The following LRPPRC variants were observed in gnomAD, a reference collection of about 807,000 sequenced individuals.
The protein encoded by LRPPRC is leucine-rich PPR motif-containing protein, mitochondrial.
LRPPRC carries 120 observed loss-of-function variants against 180.3 expected under a neutral mutation model. The observed-to-expected ratio is 0.67, with a 90% CI of 0.57 to 0.77. The LOEUF (loss-of-function observed/expected upper bound fraction) is 0.77. Among genes scored for constraint, LRPPRC ranks in the 30% least tolerant of loss-of-function variants. The pLI is 0.00. For missense variants in LRPPRC, 2,012 were observed against 1,657.2 expected (o/e 1.21, Z -3.72); for synonymous variants, 723 against 600.0 (o/e 1.21, Z -3.00).
chr2:43,923,216 T>G (rs1468718089), intron 27 of LRPPRC, among the ~76,000 whole-genome samples: 9 of 148,326 alleles, frequency 6.1e-5, no homozygotes, highest in Non-Finnish European at 1.3e-4. Flanking sequence ...CAGTGGCTCA[T>G]GCCTGTAATC....
intron 1 of LRPPRC, among the ~76,000 whole-genome samples, chr2:43,986,343 T>G (rs1482737777): frequency 3.9e-5 from 6 of 152,144 alleles, no homozygotes; most frequent in Non-Finnish European, 8.8e-5. Flanking sequence ...TTGGCCAGGC[T>G]GGTCTCAAAC....
intron 14 of LRPPRC, among the ~76,000 whole-genome samples, chr2:43,956,001 T>C (rs1185332049): frequency 6.6e-6 from 1 of 151,346 alleles, no homozygotes; most frequent in Non-Finnish European, 1.5e-5. Context: ...GTTGATGTGA[T>C]ACAATGTAAG....
intron 25 of LRPPRC, among the ~76,000 whole-genome samples, chr2:43,931,938 CAA>C (rs1312092576): frequency 6.6e-6 from 1 of 151,684 alleles, no homozygotes; most frequent in East Asian, 1.9e-4. Context: ...TCATTCTAGT[CAA>C]AGAGATAGAC....
chr2:43,951,401 A>G (rs1672896546), intron 14 of LRPPRC, among the ~76,000 whole-genome samples: 2 of 152,210 alleles, frequency 1.3e-5, no homozygotes, highest in Admixed American at 1.3e-4. Context: ...GTTTGCAAGA[A>G]AGTGAGGGGC....
intron 27 of LRPPRC, among the ~76,000 whole-genome samples, chr2:43,918,791 AGATATATATATATATATAG>A (rs1671576601): frequency 3.8e-5 from 1 of 26,056 alleles, no homozygotes; most frequent in Non-Finnish European, 5.7e-5. Context: ...ATATATATAT[AGATATATATATATATATAG>A]ATATATATAT....
chr2:43,963,791 T>C lies in LRPPRC; in HGVS notation c.1370-85A>G, dbSNP rs927722986. 3.7e-6 allele frequency: 3 copies of C among 814,718 alleles called. No homozygotes were observed. In the African/African-American group the frequency reaches 5.0e-5, roughly 14 times the overall value. 50.5% of individuals were successfully genotyped at this position (814,718 alleles called of 1,614,324 possible). ...CGGTAAGTTCAGTTCAATTATTTTC[T>C]GAATCACAGTATAAGAAAATTACTC... On this transcript the variant is annotated intron_variant, in intron 11 of 37. Transcript: ENST00000260665.
At chr2:43,913,497 G>A (rs865780125) in intron 29 of LRPPRC, among the ~76,000 whole-genome samples, 12 of 152,180 alleles carry the variant, frequency 7.9e-5, no homozygotes, top group African/African-American at 2.9e-4. Flanking sequence ...AGAAGTTTCT[G>A]AACAGGCGAA....
At chr2:43,984,552 G>C (rs759338699) in intron 1 of LRPPRC, among the ~76,000 whole-genome samples, 5 of 152,070 alleles carry the variant, frequency 3.3e-5, no homozygotes, top group Non-Finnish European at 7.4e-5. Context: ...AAATAAATTG[G>C]GATAGAGGAA....
intron 14 of LRPPRC, among the ~76,000 whole-genome samples, chr2:43,952,481 T>C (rs984858509): frequency 1.3e-5 from 2 of 152,216 alleles, no homozygotes; most frequent in African/African-American, 4.8e-5. Flanking sequence ...AAACTACTTA[T>C]GCTAAAATTA....
intron 37 of LRPPRC, among the ~76,000 whole-genome samples, 186 bp downstream of exon 37, chr2:43,889,548 A>C (rs991656285): frequency 5.3e-5 from 8 of 152,052 alleles, no homozygotes; most frequent in Non-Finnish European, 1.2e-4. Flanking sequence ...GTGGCCCCAG[A>C]GAGCTATGTT....
intron 2 of LRPPRC, among the ~76,000 whole-genome samples, chr2:43,980,650 G>C (rs1214777521): frequency 6.6e-6 from 1 of 151,726 alleles, no homozygotes; most frequent in East Asian, 1.9e-4. Context: ...GAATAGAAAA[G>C]TTAGGTTCAT....
At position 43,945,344 on chromosome 2, in the gene LRPPRC, C is replaced by T; in HGVS notation, c.2284G>A (p.Gly762Ser). Residue 762 changes from glycine to serine, a missense_variant, in exon 22 of 38, where the codon GGC (glycine) becomes AGC (serine). Transcript: ENST00000260665. ...TGCTGAGGCTTACCTTGGAGCTTGCCATGCTTTGCCAATACTCTTACAAGG... is the reference window on the plus strand; with the variant it reads ...TGCTGAGGCTTACCTTGGAGCTTGCTATGCTTTGCCAATACTCTTACAAGG... The part of the protein sequence containing the change: ...VGLVRVLAKH[G>S]KLQDAINILK... 6.2e-7 allele frequency: 1 copy of T among 1,611,048 alleles called. No individual in the cohort carries two copies. Among genetic ancestry groups the T allele is most frequent in the East Asian group, 2.2e-5 (1 of 44,850 alleles).
At chr2:43,969,697 A>AT (rs1228582843) in intron 11 of LRPPRC, among the ~76,000 whole-genome samples, 3 of 151,954 alleles carry the variant, frequency 2.0e-5, no homozygotes, top group African/African-American at 7.3e-5. Context: ...TTTGTTTTTG[A>AT]TTTTTTTGTT....
intron 24 of LRPPRC, 29 bp downstream of exon 24, chr2:43,934,725 C>A (rs758257581): frequency 6.3e-7 from 1 of 1,591,658 alleles, no homozygotes; most frequent in Non-Finnish European, 8.6e-7. Flanking sequence ...GAAAAAAAAA[C>A]TACATTAAGA....
intron 12 of LRPPRC, among the ~76,000 whole-genome samples, chr2:43,961,519 T>C (rs1022743810): frequency 6.6e-6 from 1 of 152,222 alleles, no homozygotes; most frequent in South Asian, 2.1e-4. Flanking sequence ...AGAACATACA[T>C]GCTAAGCAAT....
intron 36 of LRPPRC, 72 bp from the exon 37 acceptor site, chr2:43,889,948 A>G (rs766502438): frequency 6.5e-5 from 72 of 1,113,008 alleles, no homozygotes; most frequent in Non-Finnish European, 8.9e-5. Flanking sequence ...CAAAACAGCC[A>G]CTCAGGGACG....
At chr2:43,942,807 T>A (rs1019517176) in intron 23 of LRPPRC, among the ~76,000 whole-genome samples, 5 of 152,140 alleles carry the variant, frequency 3.3e-5, no homozygotes, top group African/African-American at 1.2e-4. Flanking sequence ...GCTCTCCCTG[T>A]TAATTGAACT....
At position 43,918,815 on chromosome 2, in the gene LRPPRC, ATATATATC is replaced by A. The variant is rs1558938491; in HGVS notation, c.2897-425_2897-418del. Among the ~76,000 whole-genome samples the A allele has an allele frequency of 5.6e-4, 78 of 140,096 alleles. 2 individuals are homozygous for A. Among genetic ancestry groups the A allele is most frequent in the African/African-American group, 2.1e-3 (78 of 37,398 alleles). The allele number at this position is 140,096 out of a possible 152,430, so 91.9% of individuals were successfully genotyped here. A position where few individuals can be genotyped will look rare whatever the true frequency, so the allele number is the denominator to read the frequency against. ...TAGATATATATATATATATAGATAT[ATATATATC>A]TATATATAGATATCTCTATATATAG... On this transcript the variant is annotated intron_variant, in intron 27 of 37. Transcript: ENST00000260665.
rs1180459762 is a variant in LRPPRC at position 43,963,625 on chromosome 2, C to T, written c.1451G>A (p.Cys484Tyr). 6.2e-7 allele frequency: 1 copy of T among 1,611,794 alleles called. No individual in the cohort carries two copies. The highest frequency in any genetic ancestry group is 1.3e-5 in the African/African-American group (1 of 74,900). ...TCGTGCTGAGTTTACACTATCAAAGCATGGAATCACATAATCTGTATATGT... is the reference window on the plus strand; with the variant it reads ...TCGTGCTGAGTTTACACTATCAAAGTATGGAATCACATAATCTGTATATGT... ...QETYTDYVIPCFDSVNSARAI... is the reference protein window; with the variant it reads ...QETYTDYVIPYFDSVNSARAI... The change falls in exon 12 of 38, where the codon TGC (cysteine) becomes TAC (tyrosine). Residue 484 changes from cysteine to tyrosine, a missense_variant. Transcript: ENST00000260665.
Sources: allele counts gnomAD v4.1 joint callset (sites outside exome capture counted in the v4.1 genomes callset), GRCh38; gene constraint gnomAD v4.1.1; transcripts MANE v1.5; gene names NCBI Gene and HGNC (gene_info 2026-07-23, HGNC 2026-07-21).